ARMC1: variants seen among roughly 807,000 people sequenced by gnomAD.
ARMC1 encodes armadillo repeat containing 1, also known as armadillo repeat-containing protein 1.
A neutral mutation model predicts 31.4 loss-of-function variants in ARMC1; 16 were observed. The observed-to-expected ratio is 0.51, with a 90% CI of 0.34 to 0.77. ARMC1 has a LOEUF of 0.77. Among genes scored for constraint, ARMC1 ranks in the 30% least tolerant of loss-of-function variants. The probability of loss-of-function intolerance (pLI) is 0.01; values close to 1 mark genes in which losing one functional copy is unlikely to be tolerated. For synonymous variants in ARMC1, 114 were observed against 118.9 expected (o/e 0.96, Z 0.27); for missense variants, 259 against 347.5 (o/e 0.75, Z 2.02).
At position 65,605,440 on chromosome 8, in the gene ARMC1, A is replaced by C. The variant is rs1306628230; in HGVS notation, c.564T>G (p.Arg188=). The change falls in exon 5 of 7, where the codon CGT becomes CGG. Residue 188 remains arginine, a synonymous_variant. Coordinates refer to ENST00000276569, the MANE Select transcript of ARMC1 (RefSeq NM_018120.6). ...MAVQRCVVRI[R]SDLKAEALAS... ...TACTTACCTCAGCTTTCAAATCTGA[A>C]CGGATTCGCACCACACACCTTTGAA... 1.9e-6 allele frequency: 3 copies of C among 1,614,004 alleles called. No homozygotes were observed. Among genetic ancestry groups the C allele is most frequent in the Admixed American group, 3.3e-5 (2 of 60,006 alleles).
intron 4 of ARMC1, among the ~76,000 whole-genome samples, chr8:65,607,732 A>G (rs2129041002): frequency 6.6e-6 from 1 of 152,356 alleles, no homozygotes; most frequent in East Asian, 1.9e-4. Flanking sequence ...ACTGATTGGC[A>G]TTATTTTAAG....
intron 2 of ARMC1, among the ~76,000 whole-genome samples, chr8:65,624,498 C>CAAAAA (rs538324950): frequency 3.1e-5 from 3 of 95,396 alleles, no homozygotes; most frequent in East Asian, 6.6e-4. Flanking sequence ...GACTCCATCT[C>CAAAAA]AAAAAAAAAA....
chr8:65,608,512 G>A, intron 4 of ARMC1, among the ~76,000 whole-genome samples: 1 of 152,102 alleles, frequency 6.6e-6, no homozygotes, highest in Non-Finnish European at 1.5e-5. Context: ...CTGGGCAAAA[G>A]AGCAACTCTG....
chr8:65,605,562 T>G lies in ARMC1; in HGVS notation c.466-24A>C, dbSNP rs758994310. On this transcript the variant is annotated intron_variant, in intron 4 of 6. Transcript: ENST00000276569. Reference sequence around the variant, plus strand: ...GACTGAAAAAGTAAAAGCAAATTGTTATGAAAATAGGTAAATAAAAGGTAA... The same window carrying G: ...GACTGAAAAAGTAAAAGCAAATTGTGATGAAAATAGGTAAATAAAAGGTAA... 8.7e-6 allele frequency: 13 copies of G among 1,496,446 alleles called. No individual in the cohort carries two copies. In the Admixed American group the frequency reaches 1.8e-4, roughly 21 times the overall value. The allele number at this position is 1,496,446 out of a possible 1,614,324, so 92.7% of individuals were successfully genotyped here. A position where few individuals can be genotyped will look rare whatever the true frequency, so the allele number is the denominator to read the frequency against.
chr8:65,613,463 T>C (rs755474282), intron 3 of ARMC1, 30 bp from the exon 4 acceptor site: 1 of 1,442,078 alleles, frequency 6.9e-7, no homozygotes, highest in Non-Finnish European at 9.4e-7. Context: ...ATAATTAGTC[T>C]TGTCACTTCT....
chr8:65,624,267 G>A (rs1044757567), intron 2 of ARMC1, among the ~76,000 whole-genome samples: 1 of 151,788 alleles, frequency 6.6e-6, no homozygotes, highest in Non-Finnish European at 1.5e-5. Flanking sequence ...GGGAAGCTGA[G>A]GGGGGCAGAT....
rs542239234 is a variant in ARMC1 at position 65,632,440 on chromosome 8, C to T, written c.-36+1558G>A. The stretch of plus-strand genomic sequence containing the variant: ...CATCCTGGCTCACACAGTAAAACCC[C>T]GTCTCTACTAAAAATACAAAATATT... On this transcript the variant is annotated intron_variant, in intron 1 of 6. Transcript: ENST00000276569. Among the ~76,000 whole-genome samples, 22 of 152,160 alleles carry T rather than the reference C, an allele frequency of 1.4e-4. No homozygotes were observed. The East Asian group carries it at 3.7e-3, about 25-fold the overall frequency.
chr8:65,609,882 G>GAAA (rs5892031), intron 4 of ARMC1, among the ~76,000 whole-genome samples: 31,796 of 114,072 alleles, frequency 0.28, 4,098 homozygotes, highest in East Asian at 0.37. Flanking sequence ...AAAAAGAAAA[G>GAAA]AAAAAGAAAA....
At chr8:65,625,397 C>T (rs1303330106) in intron 2 of ARMC1, among the ~76,000 whole-genome samples, 1 of 152,170 alleles carries the variant, frequency 6.6e-6, no homozygotes, top group Non-Finnish European at 1.5e-5. Flanking sequence ...TTCAGTATTA[C>T]CAAACTAATC....
chr8:65,628,992 A>G (rs1808576759), intron 1 of ARMC1, among the ~76,000 whole-genome samples: 1 of 152,010 alleles, frequency 6.6e-6, no homozygotes, highest in Admixed American at 6.6e-5. Flanking sequence ...TGTCTCTACT[A>G]AAAATACAAA....
intron 6 of ARMC1, 66 bp downstream of exon 6, chr8:65,605,197 A>C: frequency 7.3e-7 from 1 of 1,364,714 alleles, no homozygotes; most frequent in Non-Finnish European, 1.0e-6. Flanking sequence ...AATACTGGCA[A>C]TCTGCTAGCC....
chr8:65,633,778 G>C (rs1180191700), intron 1 of ARMC1: 1 of 152,340 alleles, frequency 6.6e-6, no homozygotes, highest in Non-Finnish European at 1.5e-5. Context: ...GTAAAAGTCA[G>C]ATGTGAGGGG....
At chr8:65,626,406 C>A (rs1167623597) in intron 2 of ARMC1, among the ~76,000 whole-genome samples, 1 of 144,532 alleles carries the variant, frequency 6.9e-6, no homozygotes, top group Non-Finnish European at 1.5e-5. Context: ...GAGTTTGAGA[C>A]CAGCCTAGTT....
intron 3 of ARMC1, among the ~76,000 whole-genome samples, chr8:65,615,530 C>T (rs1460644700): frequency 6.6e-6 from 1 of 151,738 alleles, no homozygotes; most frequent in Non-Finnish European, 1.5e-5. Flanking sequence ...CATGGCGAAA[C>T]CCCGTCTCTA....
In ARMC1 at chr8:65,605,557, AT is replaced by A; in HGVS notation, c.466-20del. The A allele has an allele frequency of 1.3e-6, 2 of 1,531,096 alleles. No homozygotes were observed. The highest frequency in any genetic ancestry group is 2.7e-5 in the African/African-American group (2 of 73,304). The allele number at this position is 1,531,096 out of a possible 1,614,324, so 94.8% of individuals were successfully genotyped here. ...TCCGAGACTGAAAAAGTAAAAGCAAATTGTTATGAAAATAGGTAAATAAAAG... is the reference window on the plus strand; with the variant it reads ...TCCGAGACTGAAAAAGTAAAAGCAAATGTTATGAAAATAGGTAAATAAAAG... On this transcript the variant is annotated intron_variant, in intron 4 of 6. Transcript: ENST00000276569.
At chr8:65,627,115 C>T (rs1440367045) in intron 2 of ARMC1, 101 bp downstream of exon 2, 9 of 1,107,576 alleles carry the variant, frequency 8.1e-6, no homozygotes, top group Non-Finnish European at 1.0e-5. Flanking sequence ...CAACTAATTG[C>T]TCTCTTTCCG....
chr8:65,609,166 C>T (rs1808069410), intron 4 of ARMC1, among the ~76,000 whole-genome samples: 1 of 135,304 alleles, frequency 7.4e-6, no homozygotes, highest in African/African-American at 2.7e-5. Flanking sequence ...CGGAATCTCG[C>T]TATGTTGACT....
chr8:65,627,479 T>C, intron 1 of ARMC1, 46 bp from the exon 2 acceptor site: 1 of 1,103,420 alleles, frequency 9.1e-7, no homozygotes, highest in Non-Finnish European at 1.2e-6. Context: ...CTGAGGTATA[T>C]TATAGCACTT....
chr8:65,633,429 A>C (rs1055393259), intron 1 of ARMC1, among the ~76,000 whole-genome samples: 177 of 152,322 alleles, frequency 1.2e-3, no homozygotes, highest in African/African-American at 4.0e-3. Flanking sequence ...AAATGGTAAA[A>C]TCAAACACCA....
Sources: allele counts gnomAD v4.1 joint callset (sites outside exome capture counted in the v4.1 genomes callset), GRCh38; gene constraint gnomAD v4.1.1; transcripts MANE v1.5; gene names NCBI Gene and HGNC (gene_info 2026-07-23, HGNC 2026-07-21).